Variants in ZNF83 observed in about 807,000 individuals in gnomAD.
The protein encoded by ZNF83 is zinc finger protein 83, also known as zinc finger protein 816B.
For synonymous variants in ZNF83, 209 were observed against 213.0 expected, an observed-to-expected ratio of 0.98 and a Z score of 0.17; for missense variants, 552 against 629.9, an observed-to-expected ratio of 0.88 and a Z score of 1.32.
intron 2 of ZNF83, among the ~76,000 whole-genome samples, chr19:52,620,812 A>T (rs2060514641): frequency 6.6e-6 from 1 of 152,120 alleles, no homozygotes; most frequent in African/African-American, 2.4e-5. Flanking sequence ...TTCCATTATG[A>T]CTTGTTTCTG....
chr19:52,631,761 G>A (rs10423447), intron 2 of ZNF83, among the ~76,000 whole-genome samples: 39,666 of 148,022 alleles, frequency 0.27, 4,957 homozygotes, highest in Middle Eastern at 0.34. Context: ...TATTGATGGC[G>A]GTTCCACCAG....
At chr19:52,690,021 C>T (rs1340600324) in intron 1 of ZNF83, among the ~76,000 whole-genome samples, 6 of 152,148 alleles carry the variant, frequency 3.9e-5, no homozygotes, top group South Asian at 2.1e-4. Context: ...TGCAGGATCC[C>T]AGGACTAGGC....
At chr19:52,643,525 C>A (rs988499357) in intron 3 of ZNF83, among the ~76,000 whole-genome samples, 1 of 151,926 alleles carries the variant, frequency 6.6e-6, no homozygotes, top group Non-Finnish European at 1.5e-5. Context: ...CACAGTGAAA[C>A]CCCATCTTTA....
intron 2 of ZNF83, among the ~76,000 whole-genome samples, chr19:52,657,657 G>A (rs918296737): frequency 2.0e-5 from 3 of 152,202 alleles, no homozygotes; most frequent in Admixed American, 2.0e-4. Flanking sequence ...CGACCAGCCT[G>A]ACCAACATAG....
At chr19:52,684,217 A>G (rs1430959881) in intron 1 of ZNF83, among the ~76,000 whole-genome samples, 2 of 151,976 alleles carry the variant, frequency 1.3e-5, no homozygotes, top group African/African-American at 4.8e-5. Flanking sequence ...AAAAACATAA[A>G]AAGTAGCCTG....
intron 2 of ZNF83, among the ~76,000 whole-genome samples, chr19:52,633,728 T>C (rs1049479121): frequency 1.3e-5 from 2 of 151,916 alleles, no homozygotes; most frequent in Non-Finnish European, 2.9e-5. Flanking sequence ...CTGGCCAACA[T>C]GGAGAAACCT....
exon 3 of ZNF83, chr19:52,612,912 A>G (rs1391275612): frequency 9.8e-7 from 1 of 1,016,622 alleles, no homozygotes; most frequent in African/African-American, 1.6e-5. Context: ...TTGAACAAAA[A>G]CTAAAGGCTC....
At chr19:52,686,403 A>T (rs1326922544) in intron 1 of ZNF83, among the ~76,000 whole-genome samples, 1 of 151,458 alleles carries the variant, frequency 6.6e-6, no homozygotes. Context: ...ATTAAGTATT[A>T]AAAAAGATAC....
At chr19:52,681,980 T>G (rs1358245976) in intron 1 of ZNF83, among the ~76,000 whole-genome samples, 2 of 152,142 alleles carry the variant, frequency 1.3e-5, no homozygotes, top group East Asian at 3.9e-4. Flanking sequence ...CCCAAGTAGC[T>G]GGGATTACAG....
At chr19:52,621,317 G>C (rs2060534065) in intron 2 of ZNF83, among the ~76,000 whole-genome samples, 1 of 152,102 alleles carries the variant, frequency 6.6e-6, no homozygotes, top group Non-Finnish European at 1.5e-5. Flanking sequence ...TTCAATTTCA[G>C]CACCACCTTT....
chr19:52,671,566 C>A (rs1374113831), intron 1 of ZNF83, among the ~76,000 whole-genome samples: 1 of 152,128 alleles, frequency 6.6e-6, no homozygotes, highest in Non-Finnish European at 1.5e-5. Context: ...GCCACACCTC[C>A]CAACTAGCTG....
chr19:52,661,996 G>A (rs767776702), intron 1 of ZNF83, among the ~76,000 whole-genome samples: 17 of 152,300 alleles, frequency 1.1e-4, no homozygotes, highest in South Asian at 2.1e-4. Context: ...AGAAACCTGC[G>A]TGGCTGGAGC....
chr19:52,690,143 A>G (rs2062127111), intron 1 of ZNF83, among the ~76,000 whole-genome samples: 1 of 151,224 alleles, frequency 6.6e-6, no homozygotes, highest in African/African-American at 2.4e-5. Context: ...TGAGGACGTT[A>G]AAAAGCGCGG....
At chr19:52,653,173 C>A (rs551994962) in intron 3 of ZNF83, 1 of 1,457,230 alleles carries the variant, frequency 6.9e-7, no homozygotes, top group Non-Finnish European at 9.5e-7. Flanking sequence ...ATGAAGTCTA[C>A]GATGGCCCAC....
Position 52,676,836 on chromosome 19 carries a change from G to C in ZNF83, c.-283+13607C>G, listed in dbSNP as rs55917280. Reference sequence around the variant, plus strand: ...TGATCTGTGACCTTACCCCCAACCCGGTGCTCTCTGAAACATGTGCTGTGT... The same window carrying C: ...TGATCTGTGACCTTACCCCCAACCCCGTGCTCTCTGAAACATGTGCTGTGT... On this transcript the variant is annotated intron_variant, in intron 1 of 5. Coordinates refer to the ZNF83 transcript ENST00000594682. Among the ~76,000 whole-genome samples, 9 of 126,220 alleles carry C rather than the reference G, an allele frequency of 7.1e-5. No individual in the cohort carries two copies. In the East Asian group the frequency reaches 1.1e-3, roughly 16 times the overall value. 82.8% of individuals were successfully genotyped at this position (126,220 alleles called of 152,430 possible). A position where few individuals can be genotyped will look rare whatever the true frequency, so the allele number is the denominator to read the frequency against.
At position 52,614,439 on chromosome 19, in the gene ZNF83, G is replaced by C. The variant is rs764046187; in HGVS notation, c.126C>G (p.His42Gln). 7.4e-6 allele frequency: 12 copies of C among 1,613,686 alleles called. No individual in the cohort carries two copies. In the South Asian group the frequency reaches 1.2e-4, roughly 16 times the overall value. ...AACTACTGTTGACAGATTTTTCCAT[G>C]TGATCATATTTATATATTTTCCCTT... is the stretch of plus-strand genomic sequence containing the variant. The change falls in exon 3 of 3, where the codon CAC becomes CAG. Residue 42 changes from histidine to glutamine, a missense_variant. Coordinates refer to ENST00000301096, the Ensembl canonical transcript of ZNF83.
upstream of ZNF83, among the ~76,000 whole-genome samples, chr19:52,642,170 G>C (rs1000444539): frequency 6.7e-6 from 1 of 149,906 alleles, no homozygotes; most frequent in Non-Finnish European, 1.5e-5. Context: ...GTGCAGATAA[G>C]CTATCAGTTT....
chr19:52,666,282 G>A (rs535002373), intron 1 of ZNF83, among the ~76,000 whole-genome samples: 1 of 152,056 alleles, frequency 6.6e-6, no homozygotes, highest in Non-Finnish European at 1.5e-5. Flanking sequence ...AAGAGAGAGA[G>A]AGAGTAGTAG....
upstream of ZNF83, among the ~76,000 whole-genome samples, chr19:52,642,004 G>A (rs1394184146): frequency 6.6e-6 from 1 of 152,098 alleles, no homozygotes; most frequent in Non-Finnish European, 1.5e-5. Flanking sequence ...GCCTTTCACT[G>A]AATACACAAT....
Sources: allele counts gnomAD v4.1 joint callset (sites outside exome capture counted in the v4.1 genomes callset), GRCh38; gene constraint gnomAD v4.1.1; transcripts MANE v1.5; gene names NCBI Gene and HGNC (gene_info 2026-07-23, HGNC 2026-07-21).